Variants in PIGS observed in about 807,000 individuals in gnomAD.
PIGS encodes the protein GPI-anchor transamidase component PIGS.
In PIGS, 37 loss-of-function variants were observed where a neutral mutation model predicts 58.2. The ratio of observed to expected loss-of-function variants is 0.64; its 90% CI spans 0.49 to 0.84. PIGS has a LOEUF of 0.84. PIGS is among the 40% of genes least tolerant of loss of function. The pLI is 0.00. For missense variants in PIGS, 629 were observed against 710.8 expected (o/e 0.88, Z 1.31); for synonymous variants, 269 against 289.2 (o/e 0.93, Z 0.71).
At chr17:28,564,501 G>A (rs1343150416) in intron 3 of PIGS, among the ~76,000 whole-genome samples, 1 of 152,058 alleles carries the variant, frequency 6.6e-6, no homozygotes, top group Non-Finnish European at 1.5e-5. Flanking sequence ...ATCACCTGAG[G>A]TCAGGAGTTT....
rs1230513992 is a variant in PIGS at position 28,569,488 on chromosome 17, AAAAAG to A, written c.286+1359_286+1363del. 1.1e-3 allele frequency among the ~76,000 whole-genome samples: 162 copies of A among 151,994 alleles called. 1 individual carries two copies. Among genetic ancestry groups the A allele is most frequent in the African/African-American group, 3.5e-3 (146 of 41,464 alleles). ...AGACCCTTTCTCAAAAAAAAAAAAA[AAAAAG>A]AAAAGAAAAGTTTTCACCAAGGCTA... On this transcript the variant is annotated intron_variant, in intron 3 of 11. Coordinates refer to ENST00000308360, the MANE Select transcript of PIGS (RefSeq NM_033198.4).
intron 5 of PIGS, among the ~76,000 whole-genome samples, chr17:28,562,942 C>G: frequency 6.6e-6 from 1 of 152,168 alleles, no homozygotes; most frequent in East Asian, 1.9e-4. Context: ...TTCAAGCAAA[C>G]TGCCCGCCTC....
intron 3 of PIGS, among the ~76,000 whole-genome samples, chr17:28,565,717 C>T (rs1421363787): frequency 1.3e-5 from 2 of 152,036 alleles, no homozygotes; most frequent in African/African-American, 2.4e-5. Flanking sequence ...AGTGAGACCC[C>T]GTCTCTACAA....
intron 3 of PIGS, among the ~76,000 whole-genome samples, chr17:28,564,732 A>G (rs2070385083): frequency 6.6e-6 from 1 of 150,836 alleles, no homozygotes; most frequent in Non-Finnish European, 1.5e-5. Context: ...AAAAAAAAAA[A>G]GGCAGTTATG....
rs2070310172 is a variant in PIGS, at chr17:28,554,250, C to T, written c.1638G>A (p.Lys546=). The change falls in exon 12 of 12, where the codon AAG becomes AAA. Residue 546 remains lysine (K), a synonymous_variant. Coordinates refer to ENST00000308360, the MANE Select transcript of PIGS (RefSeq NM_033198.4). ...SLVKIFLETR[K]SWRKPEKTD is the part of the protein sequence containing the mutation. ...CTGTCTTCTCAGGCTTTCTCCAGGA[C>T]TTGCGGGTCTCCAGGAAGATCTTGA... 3 of 1,614,168 alleles carry T rather than the reference C, an allele frequency of 1.9e-6. No individual in the cohort carries two copies. The highest frequency in any genetic ancestry group is 2.5e-6 in the Non-Finnish European group (3 of 1,180,004).
chr17:28,564,013 T>C, intron 3 of PIGS, 106 bp from the exon 4 acceptor site: 1 of 974,686 alleles, frequency 1.0e-6, no homozygotes, highest in Non-Finnish European at 1.6e-6. Flanking sequence ...AGATGGCTGT[T>C]TACAGAAAAA....
chr17:28,561,398 A>G (rs750057595), intron 6 of PIGS, 24 bp downstream of exon 6: 6 of 1,612,268 alleles, frequency 3.7e-6, no homozygotes, highest in Admixed American at 1.7e-5. Context: ...CTCTCCCTTC[A>G]TGTGGCAGAG....
In PIGS at chr17:28,554,411, C is replaced by T; in HGVS notation, c.1477G>A (p.Glu493Lys). Residue 493 changes from glutamate to lysine, a missense_variant, in exon 12 of 12, where the codon GAA (glutamate) becomes AAA (lysine). Transcript: ENST00000308360. ...GCAAGCTCAGAGGATGTCACAGCTTCCTGGCTGGCGACAAAGGCAGATGCC... is the reference window on the plus strand; with the variant it reads ...GCAAGCTCAGAGGATGTCACAGCTTTCTGGCTGGCGACAAAGGCAGATGCC... ...HLASAFVASQ[E>K]AVTSSELAFF... The T allele has an allele frequency of 6.2e-7, 1 of 1,614,184 alleles. No homozygotes were observed. Among genetic ancestry groups the T allele is most frequent in the Non-Finnish European group, 8.5e-7 (1 of 1,180,022 alleles).
chr17:28,569,640 A>G (rs1739238636), intron 3 of PIGS, among the ~76,000 whole-genome samples: 1 of 152,126 alleles, frequency 6.6e-6, no homozygotes, highest in East Asian at 1.9e-4. Flanking sequence ...AGGTCCCCCA[A>G]TATGCTGATT....
Position 28,563,480 on chromosome 17 carries a change from C to A in PIGS, c.419G>T (p.Gly140Val). 6.2e-7 allele frequency: 1 copy of A among 1,614,040 alleles called. No homozygotes were observed. The highest frequency in any genetic ancestry group is 8.5e-7 in the Non-Finnish European group (1 of 1,180,010). Reference protein sequence around the residue: ...MLDEPQEQAEGSLTVYVISEH... With the variant: ...MLDEPQEQAEVSLTVYVISEH... ...AGATATCACGTACACAGTCAGGGAGCCCTCCGCTTGTTCCTGAGGCTCATC... is the reference window on the plus strand; with the variant it reads ...AGATATCACGTACACAGTCAGGGAGACCTCCGCTTGTTCCTGAGGCTCATC... The change falls in exon 5 of 12, where the codon GGC becomes GTC. Residue 140 changes from glycine (G) to valine (V), a missense_variant. Physicochemically the swap from Gly to Val is moderately radical, Grantham distance 109. Coordinates refer to ENST00000308360, the MANE Select transcript of PIGS (RefSeq NM_033198.4).
At chr17:28,554,794 T>C in intron 11 of PIGS, 57 bp downstream of exon 11, 3 of 1,592,536 alleles carry the variant, frequency 1.9e-6, no homozygotes, top group African/African-American at 1.3e-5. Context: ...CACCACACTC[T>C]GGCCCTCTCT....
intron 3 of PIGS, among the ~76,000 whole-genome samples, 158 bp downstream of exon 3, chr17:28,570,694 T>A (rs1384946039): frequency 6.6e-6 from 1 of 152,174 alleles, no homozygotes; most frequent in Non-Finnish European, 1.5e-5. Flanking sequence ...ACTGTGAATT[T>A]GAAAGTAGTT....
chr17:28,554,139 A>C lies in PIGS; in HGVS notation c.*81T>G. On this transcript the variant is annotated 3_prime_UTR_variant, in exon 12 of 12. Coordinates refer to ENST00000308360, the MANE Select transcript of PIGS (RefSeq NM_033198.4). ...AGACAAATATTTAAGTCATTCCGGC[A>C]GGCCCCATGTACGTGCCTCACAATC... is the stretch of plus-strand genomic sequence containing the variant. 6.6e-7 allele frequency: 1 copy of C among 1,525,550 alleles called. No individual in the cohort carries two copies. The highest frequency in any genetic ancestry group is 8.9e-7 in the Non-Finnish European group (1 of 1,124,498). The allele number at this position is 1,525,550 out of a possible 1,614,324, so 94.5% of individuals were successfully genotyped here.
At position 28,571,163 on chromosome 17, in the gene PIGS, G is replaced by A. The variant is rs750286435; in HGVS notation, c.60C>T (p.Ala20=). The change falls in exon 2 of 12, where the codon GCC becomes GCT. Residue 20 remains alanine (A), a synonymous_variant. Coordinates refer to ENST00000308360, the MANE Select transcript of PIGS (RefSeq NM_033198.4). ...HLEVARGKRA[A]LFFAAVAIVL... is the part of the protein sequence containing the mutation. The stretch of plus-strand genomic sequence containing the variant: ...CGATGGCCACCGCAGCGAAGAAGAG[G>A]GCGGCGCGCTTGCCCCGGGCCACCT... The A allele has an allele frequency of 6.2e-7, 1 of 1,613,486 alleles. No individual in the cohort carries two copies. Among genetic ancestry groups the A allele is most frequent in the East Asian group, 2.2e-5 (1 of 44,878 alleles).
chr17:28,554,479 G>A lies in PIGS; in HGVS notation c.1409C>T (p.Ala470Val), dbSNP rs776398592. The change falls in exon 12 of 12, where the codon GCT becomes GTT. Residue 470 changes from alanine to valine, a missense_variant. By Grantham distance (64) the Ala-to-Val change is moderately conservative. Coordinates refer to ENST00000308360, the MANE Select transcript of PIGS (RefSeq NM_033198.4). ...CTCTTCTGCCGACTTCTGGACGGCA[G>A]CTACAGCCTTGTACACCTAGGAAGG... is the stretch of plus-strand genomic sequence containing the variant. ...DVASEVYKAVAAVQKSAEELA... is the reference protein window; with the variant it reads ...DVASEVYKAVVAVQKSAEELA... The A allele has an allele frequency of 6.2e-6, 10 of 1,614,110 alleles. No individual in the cohort carries two copies. The highest frequency in any genetic ancestry group is 1.7e-5 in the Admixed American group (1 of 60,018).
At chr17:28,557,736 A>G (rs2151512096) in intron 8 of PIGS, among the ~76,000 whole-genome samples, 1 of 152,194 alleles carries the variant, frequency 6.6e-6, no homozygotes, top group Non-Finnish European at 1.5e-5. Flanking sequence ...TCTTAGTCAC[A>G]CCTCCTCTTC....
chr17:28,571,094 C>T lies in PIGS; in HGVS notation c.129G>A (p.Arg43=), dbSNP rs768738457. The part of the protein sequence containing the change: ...PLWWKTTETY[R]ASLPYSQISG... ...TGATCTGGGAGTAAGGCAACGAGGCCCGGTAGGTCTCCGTGGTCTTCCACC... is the reference window on the plus strand; with the variant it reads ...TGATCTGGGAGTAAGGCAACGAGGCTCGGTAGGTCTCCGTGGTCTTCCACC... Residue 43 remains arginine, a synonymous_variant, in exon 2 of 12, where the codon CGG becomes CGA. Transcript: ENST00000308360. 2.5e-6 allele frequency: 4 copies of T among 1,614,106 alleles called. No homozygotes were observed. Among genetic ancestry groups the T allele is most frequent in the South Asian group, 2.2e-5 (2 of 91,088 alleles).
chr17:28,565,866 C>T (rs1283658730), intron 3 of PIGS, among the ~76,000 whole-genome samples: 1 of 152,110 alleles, frequency 6.6e-6, no homozygotes, highest in Non-Finnish European at 1.5e-5. Flanking sequence ...CCCGTTTCTA[C>T]TAAAATTACA....
chr17:28,570,822 G>T (rs778513049), intron 3 of PIGS, 30 bp downstream of exon 3: 2 of 1,611,468 alleles, frequency 1.2e-6, no homozygotes, highest in Admixed American at 3.3e-5. Context: ...GCTCAGAGGC[G>T]AAAAGCAGCC....
Sources: gnomAD v4.1 joint callset for allele counts (sites outside exome capture counted in the v4.1 genomes callset) on GRCh38, gnomAD v4.1.1 for gene constraint, MANE v1.5 for transcripts, NCBI Gene and HGNC (gene_info 2026-07-23, HGNC 2026-07-21) for gene names.